FIP1L1: variants seen among roughly 807,000 people sequenced by gnomAD.
The protein encoded by FIP1L1 is pre-mRNA 3'-end-processing factor FIP1.
A neutral mutation model predicts 84.6 loss-of-function variants in FIP1L1; 21 were observed. The observed-to-expected ratio is 0.25, with a 90% CI of 0.18 to 0.36. FIP1L1 has a LOEUF of 0.36. Ranked by LOEUF, FIP1L1 falls within the 10% of genes least tolerant of loss-of-function variation. FIP1L1 has a pLI of 1.00. For synonymous variants in FIP1L1, 263 were observed against 242.3 expected (o/e 1.09, Z -0.80); for missense variants, 526 against 751.1 (o/e 0.70, Z 3.50).
chr4:53,391,523 GTTGCTCTC>G, intron 9 of FIP1L1, 25 bp downstream of exon 9: 1 of 1,570,310 alleles, frequency 6.4e-7, no homozygotes, highest in East Asian at 2.2e-5. Context: ...ATTATCCTTG[GTTGCTCTC>G]ATTTTTTGTT....
intron 11 of FIP1L1, among the ~76,000 whole-genome samples, chr4:53,417,759 ACACACTCTCTCTCTCTCTCTCTCTCT>A (rs1423590881): frequency 0.013 from 703 of 54,162 alleles, 29 homozygotes; most frequent in African/African-American, 0.021. Flanking sequence ...ACACACACAC[ACACACTCTCTCTCTCTCTCTCTCTCT>A]CTCTCTCTCT....
intron 12 of FIP1L1, among the ~76,000 whole-genome samples, chr4:53,427,823 T>A (rs1348018999): frequency 6.6e-6 from 1 of 152,204 alleles, no homozygotes; most frequent in African/African-American, 2.4e-5. Context: ...TGCACATTTT[T>A]AAAACTGTAT....
In FIP1L1 at chr4:53,391,044, A is replaced by G. The variant is rs1426374889; in HGVS notation, c.541A>G (p.Asn181Asp). The change falls in exon 8 of 18, where the codon AAT becomes GAT. Residue 181 changes from asparagine to aspartate, a missense_variant. Asn to Asp is a conservative substitution (Grantham distance 23, BLOSUM62 1). This residue lies in a region of FIP1L1 where 169 missense variants were observed against 206.9 expected (regional missense o/e 0.82). Coordinates refer to ENST00000337488, the MANE Select transcript of FIP1L1 (RefSeq NM_030917.4). The stretch of plus-strand genomic sequence containing the variant: ...TTCTGATTATTTTAATTATGGGTTT[A>G]ATGAAGATACCTGGAAAGCTTACTG... ...DLSDYFNYGFNEDTWKAYCEK... is the reference protein window; with the variant it reads ...DLSDYFNYGFDEDTWKAYCEK... 6.2e-7 allele frequency: 1 copy of G among 1,609,936 alleles called. No homozygotes were observed.
At chr4:53,382,423 ATTACC>A (rs2149278421) in intron 4 of FIP1L1, 88 bp downstream of exon 4, 1 of 1,033,738 alleles carries the variant, frequency 9.7e-7, no homozygotes, top group African/African-American at 1.6e-5. Context: ...GGCATTTTAC[ATTACC>A]TTCAGTATCA....
At chr4:53,424,143 G>A (rs1471999967) in intron 11 of FIP1L1, among the ~76,000 whole-genome samples, 1 of 152,098 alleles carries the variant, frequency 6.6e-6, no homozygotes, top group Non-Finnish European at 1.5e-5. Flanking sequence ...GAAAATAGTA[G>A]AAAAGGAAAT....
chr4:53,388,296 G>C (rs1742210117), intron 5 of FIP1L1, among the ~76,000 whole-genome samples: 1 of 151,656 alleles, frequency 6.6e-6, no homozygotes, highest in South Asian at 2.1e-4. Context: ...AATATAATGT[G>C]AGAAATATAT....
intron 5 of FIP1L1, 133 bp downstream of exon 5, chr4:53,384,009 GT>G: frequency 1.2e-6 from 1 of 866,656 alleles, no homozygotes. Flanking sequence ...ACTTGTTAAA[GT>G]TTCATCATGA....
At chr4:53,409,871 C>T (rs1756186627) in intron 10 of FIP1L1, among the ~76,000 whole-genome samples, 1 of 152,186 alleles carries the variant, frequency 6.6e-6, no homozygotes. Flanking sequence ...GGGAGTGACC[C>T]AATTTTCCAG....
intron 10 of FIP1L1, among the ~76,000 whole-genome samples, chr4:53,401,002 G>T (rs765341237): frequency 6.6e-4 from 101 of 152,300 alleles, no homozygotes; most frequent in Non-Finnish European, 1.3e-3. Context: ...GATTTCTGGA[G>T]TTCAGATGCT....
intron 10 of FIP1L1, among the ~76,000 whole-genome samples, chr4:53,406,817 C>G (rs1314472174): frequency 1.3e-5 from 2 of 152,210 alleles, no homozygotes; most frequent in African/African-American, 2.4e-5. Flanking sequence ...GTAGTATTCT[C>G]TCATGGTAAT....
At chr4:53,429,736 G>T (rs1202531935) in intron 13 of FIP1L1, among the ~76,000 whole-genome samples, 1 of 152,024 alleles carries the variant, frequency 6.6e-6, no homozygotes, top group African/African-American at 2.4e-5. Flanking sequence ...GTGATGTTTT[G>T]ATTATGTCTA....
In FIP1L1 at chr4:53,377,713, G is replaced by A. The variant is rs1176021015; in HGVS notation, c.-126G>A. 3 of 841,258 alleles carry A rather than the reference G, an allele frequency of 3.6e-6. No individual in the cohort carries two copies. Among genetic ancestry groups the A allele is most frequent in the East Asian group, 5.9e-5 (2 of 33,708 alleles). The allele number at this position is 841,258 out of a possible 1,614,324, so 52.1% of individuals were successfully genotyped here. On this transcript the variant is annotated 5_prime_UTR_variant, in exon 1 of 18. Transcript: ENST00000337488. ...CTGCCGTCGCCTTCCTGGGATTGGA[G>A]TCTCGAGCTTTCTTCGTTCGTTCGT...
Position 53,458,934 on chromosome 4 carries a change from A to AT in FIP1L1, c.1637+151dup, listed in dbSNP as rs762755733. On this transcript the variant is annotated intron_variant, in intron 17 of 17. Coordinates refer to ENST00000337488, the MANE Select transcript of FIP1L1 (RefSeq NM_030917.4). The stretch of plus-strand genomic sequence containing the variant: ...AGAAAAATTCAGGGCCTTGTCTCAA[A>AT]TTTTTTTAAAAAAGCATTAAACAAA... 94 of 923,654 alleles carry AT rather than the reference A, an allele frequency of 1.0e-4. 1 individual carries two copies. Among genetic ancestry groups the AT allele is most frequent in the Admixed American group, 6.8e-4 (23 of 33,926 alleles). 57.2% of individuals were successfully genotyped at this position (923,654 alleles called of 1,614,324 possible). A position where few individuals can be genotyped will look rare whatever the true frequency, so the allele number is the denominator to read the frequency against.
rs1721876159 is a variant in FIP1L1 at position 53,460,760 on chromosome 4, ACTGGCTTTCATTAGATGATC to A, written c.*1312_*1331del. On this transcript the variant is annotated 3_prime_UTR_variant, in exon 18 of 18. Transcript: ENST00000337488. Reference sequence around the variant, plus strand: ...TTGGAATCATATTTTCTGAGGTGTAACTGGCTTTCATTAGATGATCATACTTTTCCTGACATTTTTACAAT... The same window carrying A: ...TTGGAATCATATTTTCTGAGGTGTAAATACTTTTCCTGACATTTTTACAAT... 7 of 794,274 alleles carry A rather than the reference ACTGGCTTTCATTAGATGATC, an allele frequency of 8.8e-6. No homozygotes were observed. The highest frequency in any genetic ancestry group is 1.4e-5 in the Non-Finnish European group (7 of 512,558). The allele number at this position is 794,274 out of a possible 1,614,324, so 49.2% of individuals were successfully genotyped here.
At chr4:53,418,841 C>T (rs767447082) in intron 11 of FIP1L1, among the ~76,000 whole-genome samples, 3 of 152,140 alleles carry the variant, frequency 2.0e-5, no homozygotes, top group Non-Finnish European at 1.5e-5. Flanking sequence ...TAAAACTGGA[C>T]GTTAAATGAA....
chr4:53,413,755 T>C (rs1373511507), intron 10 of FIP1L1, among the ~76,000 whole-genome samples: 2 of 152,172 alleles, frequency 1.3e-5, no homozygotes, highest in Non-Finnish European at 2.9e-5. Context: ...TTATTGTGTC[T>C]GTTTGTATGC....
chr4:53,410,002 C>A (rs1553915528), intron 10 of FIP1L1, among the ~76,000 whole-genome samples: 4 of 152,242 alleles, frequency 2.6e-5, no homozygotes, highest in Non-Finnish European at 5.9e-5. Flanking sequence ...ACCCACTGTC[C>A]TGCGCCCACT....
chr4:53,452,946 G>C lies in FIP1L1; in HGVS notation c.1312G>C (p.Ala438Pro). The change falls in exon 16 of 18, where the codon GCT becomes CCT. Residue 438 changes from alanine to proline, a missense_variant. By Grantham distance (27) the Ala-to-Pro change is conservative. Transcript: ENST00000337488. ...NVAFPHLPGS[A>P]PSWPSLVDTS... ...TGCCTTTCCCCATCTTCCTGGTTCTGCTCCTTCGTGGCCTAGTCTTGTGGA... is the reference window on the plus strand; with the variant it reads ...TGCCTTTCCCCATCTTCCTGGTTCTCCTCCTTCGTGGCCTAGTCTTGTGGA... 1 of 1,612,826 alleles carries C rather than the reference G, an allele frequency of 6.2e-7. No individual in the cohort carries two copies. The highest frequency in any genetic ancestry group is 8.5e-7 in the Non-Finnish European group (1 of 1,179,940).
At chr4:53,390,768 G>C in intron 7 of FIP1L1, 140 bp downstream of exon 7, 1 of 627,558 alleles carries the variant, frequency 1.6e-6, no homozygotes, top group Non-Finnish European at 2.7e-6. Context: ...ATAATGACTT[G>C]GGATTATTAA....
Sources: gnomAD v4.1 joint callset for allele counts (sites outside exome capture counted in the v4.1 genomes callset) on GRCh38, gnomAD v4.1.1 for gene constraint, gnomAD v4.1.1 regional missense constraint, MANE v1.5 for transcripts, NCBI Gene and HGNC (gene_info 2026-07-23, HGNC 2026-07-21) for gene names.